The following ST7 variants were observed in gnomAD, a reference collection of about 807,000 sequenced individuals.
The protein encoded by ST7 is suppressor of tumorigenicity 7 protein.
In ST7, 28 loss-of-function variants were observed where a neutral mutation model predicts 78.7. The observed-to-expected ratio is 0.36, with a 90% CI of 0.26 to 0.49. The LOEUF (loss-of-function observed/expected upper bound fraction) is 0.49. Ranked by LOEUF, ST7 falls within the 20% of genes least tolerant of loss-of-function variation. The probability of loss-of-function intolerance (pLI) is 0.99; values close to 1 mark genes in which losing one functional copy is unlikely to be tolerated. For synonymous variants in ST7, 247 were observed against 249.6 expected (o/e 0.99, Z 0.10); for missense variants, 418 against 696.0 (o/e 0.60, Z 4.49).
chr7:117,005,955 A>T (rs1040298004), intron 1 of ST7, among the ~76,000 whole-genome samples: 1 of 152,218 alleles, frequency 6.6e-6, no homozygotes, highest in Non-Finnish European at 1.5e-5. Context: ...TAGTAATTAA[A>T]TTAATACTAA....
At chr7:116,983,278 A>G (rs753315838) in intron 1 of ST7, among the ~76,000 whole-genome samples, 1 of 152,084 alleles carries the variant, frequency 6.6e-6, no homozygotes, top group Non-Finnish European at 1.5e-5. Context: ...ATCCTCATCT[A>G]ATCTCTCTGT....
intron 13 of ST7, among the ~76,000 whole-genome samples, chr7:117,210,628 A>C (rs1210389262): frequency 3.3e-5 from 5 of 152,178 alleles, no homozygotes; most frequent in Admixed American, 3.3e-4. Context: ...CAGAAGGGAG[A>C]GGTCCATGGG....
intron 3 of ST7, among the ~76,000 whole-genome samples, chr7:117,123,382 A>G (rs1039494632): frequency 6.6e-6 from 1 of 152,158 alleles, no homozygotes; most frequent in Non-Finnish European, 1.5e-5. Context: ...GATTGTGCAT[A>G]TATTTTTAAA....
chr7:117,220,463 C>T (rs1022615795), intron 14 of ST7, among the ~76,000 whole-genome samples: 2 of 152,144 alleles, frequency 1.3e-5, no homozygotes. Flanking sequence ...TTTCGGTTTT[C>T]TGGTAAGAAA....
intron 9 of ST7, among the ~76,000 whole-genome samples, chr7:117,165,814 G>A (rs28626669): frequency 0.13 from 19,206 of 152,142 alleles, 2,283 homozygotes; most frequent in African/African-American, 0.31. Flanking sequence ...AGATTGACCA[G>A]GACAGGAGAG....
At position 117,119,698 on chromosome 7, in the gene ST7, T is replaced by C; in HGVS notation, c.372T>C (p.Asp124=). ...CTAATTCCAGTAACGGGGACTCAGA[T>C]TCCAATAGGCAAAGTGTCTCAGGTA... ...NNSNSSNGDS[D]SNRQSVSECK... is the part of the protein sequence containing the mutation. The change falls in exon 3 of 16, where the codon GAT becomes GAC. Residue 124 remains aspartate (D), a synonymous_variant. Transcript: ENST00000323984. 6.2e-7 allele frequency: 1 copy of C among 1,613,138 alleles called. No homozygotes were observed. The highest frequency in any genetic ancestry group is 1.7e-5 in the Admixed American group (1 of 59,632).
intron 9 of ST7, among the ~76,000 whole-genome samples, chr7:117,140,690 G>A (rs992592395): frequency 2.0e-5 from 3 of 151,720 alleles, no homozygotes; most frequent in African/African-American, 4.9e-5. Context: ...ATATATATGC[G>A]TGTTTCTTAT....
chr7:117,071,747 C>T (rs1257358325), intron 1 of ST7, among the ~76,000 whole-genome samples: 2 of 152,200 alleles, frequency 1.3e-5, no homozygotes, highest in South Asian at 2.1e-4. Context: ...ACTGAGGAAG[C>T]TGCATGACAT....
chr7:117,125,313 G>A lies in ST7; in HGVS notation c.395-4480G>A, dbSNP rs564967433. Among the ~76,000 whole-genome samples the A allele has an allele frequency of 3.9e-5, 6 of 152,090 alleles. No homozygotes were observed. The South Asian group carries it at 1.2e-3, about 31-fold the overall frequency. On this transcript the variant is annotated intron_variant, in intron 3 of 15. Transcript: ENST00000323984. ...CAATGAGAAGTGCATGACAGATGCT[G>A]TTACAGATTTAACCATCTCGACAGT...
chr7:116,979,958 C>CTCTTTTTTT (rs1554421171), intron 1 of ST7, among the ~76,000 whole-genome samples: 32 of 86,244 alleles, frequency 3.7e-4, no homozygotes, highest in African/African-American at 1.4e-3. Flanking sequence ...TTTTGTTTCT[C>CTCTTTTTTT]TTTTTTTTTT....
At chr7:117,105,235 G>C (rs1801861552) in intron 2 of ST7, among the ~76,000 whole-genome samples, 1 of 152,166 alleles carries the variant, frequency 6.6e-6, no homozygotes, top group Non-Finnish European at 1.5e-5. Flanking sequence ...GACATATATT[G>C]CATATTCTCA....
chr7:117,079,968 C>CTTTTTTTT lies in ST7; in HGVS notation c.152-19771_152-19764dup, dbSNP rs34326752. ...AGCACTATTGGAATGTTTGTCATTC[C>CTTTTTTTT]TTTTTTTTTTTTTTTTTTTTTTTTT... On this transcript the variant is annotated intron_variant, in intron 1 of 15. Transcript: ENST00000323984. 5.2e-4 allele frequency among the ~76,000 whole-genome samples: 34 copies of CTTTTTTTT among 65,448 alleles called. 5 individuals carry two copies. Among genetic ancestry groups the CTTTTTTTT allele is most frequent in the African/African-American group, 6.6e-4 (12 of 18,070 alleles). The allele number at this position is 65,448 out of a possible 152,430, so 42.9% of individuals were successfully genotyped here. A position where few individuals can be genotyped will look rare whatever the true frequency, so the allele number is the denominator to read the frequency against.
At chr7:117,033,316 G>A (rs183732985) in intron 1 of ST7, among the ~76,000 whole-genome samples, 437 of 152,230 alleles carry the variant, frequency 2.9e-3, no homozygotes, top group Non-Finnish European at 5.4e-3. Context: ...ATTAAGTTTG[G>A]TTCCTGTCGT....
chr7:117,216,969 A>C (rs983769169), intron 13 of ST7, among the ~76,000 whole-genome samples: 5 of 152,164 alleles, frequency 3.3e-5, no homozygotes, highest in Non-Finnish European at 5.9e-5. Flanking sequence ...CCAATTAGAA[A>C]AAGGAAAAGG....
chr7:117,003,082 C>T (rs1046704932), intron 1 of ST7, among the ~76,000 whole-genome samples: 2 of 151,838 alleles, frequency 1.3e-5, no homozygotes, highest in African/African-American at 4.8e-5. Flanking sequence ...CCTCAGCCTC[C>T]CAAAGTGCTG....
intron 1 of ST7, among the ~76,000 whole-genome samples, chr7:117,043,325 G>T (rs1236433592): frequency 1.3e-5 from 2 of 152,132 alleles, no homozygotes; most frequent in Non-Finnish European, 2.9e-5. Context: ...GTTAGAAATT[G>T]GTGTTGATGA....
chr7:117,082,008 T>C (rs1293041299), intron 1 of ST7, among the ~76,000 whole-genome samples: 2 of 152,136 alleles, frequency 1.3e-5, no homozygotes, highest in Non-Finnish European at 2.9e-5. Context: ...CTGGAACTCT[T>C]GTGTCTAAGC....
intron 9 of ST7, among the ~76,000 whole-genome samples, chr7:117,153,285 C>A (rs1363512231): frequency 6.6e-6 from 1 of 152,078 alleles, no homozygotes; most frequent in Non-Finnish European, 1.5e-5. Flanking sequence ...ATCTGCTAAA[C>A]CTATGGGTCA....
intron 2 of ST7, among the ~76,000 whole-genome samples, chr7:117,107,113 G>A (rs955611036): frequency 6.0e-5 from 9 of 149,628 alleles, no homozygotes; most frequent in Non-Finnish European, 1.2e-4. Context: ...GTGTGTATGT[G>A]TATATATATA....
Sources: allele counts gnomAD v4.1 joint callset (sites outside exome capture counted in the v4.1 genomes callset), GRCh38; gene constraint gnomAD v4.1.1; transcripts MANE v1.5; gene names NCBI Gene and HGNC (gene_info 2026-07-23, HGNC 2026-07-21).